Variants in ULK1 observed in about 807,000 individuals in gnomAD.
ULK1 encodes serine/threonine-protein kinase ULK1.
Under a neutral mutation model 117.5 loss-of-function variants are expected in ULK1, and 48 were observed. That is an observed-to-expected ratio of 0.41 (90% CI 0.32 to 0.52). The LOEUF is 0.52. Ranked by LOEUF, ULK1 falls within the 20% of genes least tolerant of loss-of-function variation. The pLI is 0.29. For synonymous variants in ULK1, 790 were observed against 637.8 expected, an observed-to-expected ratio of 1.24 and a Z score of -3.60; for missense variants, 1,387 against 1,473.4, an observed-to-expected ratio of 0.94 and a Z score of 0.96.
intron 7 of ULK1, 21 bp downstream of exon 7, chr12:131,908,992 C>A: frequency 6.2e-7 from 1 of 1,612,832 alleles, no homozygotes; most frequent in African/African-American, 1.3e-5. Flanking sequence ...CTTGGCCGGG[C>A]TGTGCCGGGT....
rs1295471554 is a variant in ULK1, at chr12:131,918,660, C to G, written c.2490C>G (p.Leu830=). ...CTGTGACCTTCGAGGCCCCCGACCT[C>G]CCTGAGGAGACCCTCATGGAGGTGA... is the stretch of plus-strand genomic sequence containing the variant. The part of the protein sequence containing the change: ...EGAVTFEAPD[L]PEETLMEQEH... Residue 830 remains leucine, a synonymous_variant, in exon 23 of 28, where the codon CTC becomes CTG. Transcript: ENST00000321867. The G allele has an allele frequency of 1.2e-6, 2 of 1,601,802 alleles. No individual in the cohort carries two copies. Among genetic ancestry groups the G allele is most frequent in the African/African-American group, 2.7e-5 (2 of 74,184 alleles).
rs779346547 is a variant in ULK1 at position 131,909,169 on chromosome 12, G to C, written c.598G>C (p.Gly200Arg). The C allele has an allele frequency of 1.9e-6, 3 of 1,610,064 alleles. No individual in the cohort carries two copies. Among genetic ancestry groups the C allele is most frequent in the Admixed American group, 3.3e-5 (2 of 59,722 alleles). Residue 200 changes from glycine to arginine, a missense_variant, in exon 8 of 28, where the codon GGG becomes CGG. Physicochemically the swap from Gly to Arg is moderately radical, Grantham distance 125. This residue lies in a region of ULK1 where 224 missense variants were observed against 325.2 expected (regional missense o/e 0.69). Coordinates refer to ENST00000321867, the MANE Select transcript of ULK1 (RefSeq NM_003565.4). Reference sequence around the variant, plus strand: ...GGTCATCATGTCCCAGCACTACGACGGGAAGGCGGACCTGTGGAGCATCGG... The same window carrying C: ...GGTCATCATGTCCCAGCACTACGACCGGAAGGCGGACCTGTGGAGCATCGG... ...PEVIMSQHYD[G>R]KADLWSIGTI... is the part of the protein sequence containing the mutation.
intron 3 of ULK1, among the ~76,000 whole-genome samples, chr12:131,905,863 A>C (rs970478885): frequency 3.9e-5 from 6 of 151,984 alleles, no homozygotes; most frequent in African/African-American, 1.2e-4. Flanking sequence ...TCATGGGGGC[A>C]GGAAAGGGCG....
At chr12:131,909,717 C>G in intron 8 of ULK1, 58 bp from the exon 9 acceptor site, 1 of 1,493,632 alleles carries the variant, frequency 6.7e-7, no homozygotes, top group Non-Finnish European at 9.0e-7. Context: ...ACCGAGACCC[C>G]GTGGGCTGGT....
chr12:131,899,681 G>T (rs1192865557), intron 3 of ULK1, among the ~76,000 whole-genome samples: 1 of 152,152 alleles, frequency 6.6e-6, no homozygotes, highest in African/African-American at 2.4e-5. Flanking sequence ...GCAAGCTCTT[G>T]GTCCCTTTTG....
intron 1 of ULK1, 129 bp from the exon 2 acceptor site, chr12:131,895,472 C>A: frequency 1.3e-6 from 1 of 755,354 alleles, no homozygotes; most frequent in Non-Finnish European, 2.2e-6. Flanking sequence ...CAACCTGGCT[C>A]CCCACTCGGC....
intron 8 of ULK1, 109 bp from the exon 9 acceptor site, chr12:131,909,666 C>G (rs1369744376): frequency 2.5e-6 from 3 of 1,200,804 alleles, no homozygotes; most frequent in South Asian, 1.6e-5. Context: ...TTCCCCCGGG[C>G]TTCGCAGCGT....
Position 131,895,877 on chromosome 12 carries a change from C to T in ULK1, c.246+53C>T, listed in dbSNP as rs111295720. ...GGGACCGGGCTGGGGGACTGTGGCCCCAGGTGCTGGATCCCCTGGTGAGCA... is the reference window on the plus strand; with the variant it reads ...GGGACCGGGCTGGGGGACTGTGGCCTCAGGTGCTGGATCCCCTGGTGAGCA... On this transcript the variant is annotated intron_variant, in intron 3 of 27. Coordinates refer to ENST00000321867, the MANE Select transcript of ULK1 (RefSeq NM_003565.4). 3,979 of 1,609,800 alleles carry T rather than the reference C, an allele frequency of 2.5e-3. 82 individuals are homozygous for T. In the African/African-American group the frequency reaches 0.046, roughly 19 times the overall value.
intron 23 of ULK1, 32 bp downstream of exon 23, chr12:131,918,713 C>G: frequency 1.7e-6 from 2 of 1,148,964 alleles, no homozygotes; most frequent in Non-Finnish European, 2.2e-6. Flanking sequence ...GGTTCCCATT[C>G]TGGCTGGAGG....
chr12:131,909,068 G>A lies in ULK1; in HGVS notation c.565-68G>A. ...GGTGCGCTCTGCTCTGGTTGGCTGT[G>A]GCCTGGCGGGCACCTTCTGTGGTTG... On this transcript the variant is annotated intron_variant, in intron 7 of 27. Transcript: ENST00000321867. 3 of 1,606,266 alleles carry A rather than the reference G, an allele frequency of 1.9e-6. No homozygotes were observed. The South Asian group carries it at 3.3e-5, about 18-fold the overall frequency.
chr12:131,900,074 G>A (rs530593086), intron 3 of ULK1, among the ~76,000 whole-genome samples: 316 of 147,810 alleles, frequency 2.1e-3, no homozygotes, highest in African/African-American at 7.5e-3. Context: ...CTGAGATTGC[G>A]CCGCTGCACT....
intron 10 of ULK1, 25 bp downstream of exon 10, chr12:131,910,026 T>G: frequency 6.2e-7 from 1 of 1,609,552 alleles, no homozygotes; most frequent in East Asian, 2.2e-5. Flanking sequence ...GGGGCGCAGC[T>G]GGAGTCCCCC....
At position 131,919,263 on chromosome 12, in the gene ULK1, C is replaced by T; in HGVS notation, c.2563C>T (p.Gln855Ter). ...CCTGCGCTTCACGCTGCTGTTCGTG[C>T]AGCACGTCCTGGAGATCGCAGCCCT... ...RGLRFTLLFV[Q>*]HVLEIAALKG... The change falls in exon 24 of 28, where the codon CAG becomes TAG. Residue 855 changes from glutamine to a stop codon, truncating the protein, a stop_gained. Transcript: ENST00000321867. LOFTEE classifies it high-confidence loss of function. 6.3e-7 allele frequency: 1 copy of T among 1,598,688 alleles called. No homozygotes were observed. The highest frequency in any genetic ancestry group is 8.5e-7 in the Non-Finnish European group (1 of 1,177,418).
In ULK1 at chr12:131,913,877, G is replaced by T. The variant is rs1352274338; in HGVS notation, c.1247+41G>T. On this transcript the variant is annotated intron_variant, in intron 15 of 27. Transcript: ENST00000321867. Reference sequence around the variant, plus strand: ...GGCTGGGTGGATGGGGCTGTGAACAGTCCCCCGGCTGGAGGTTGGGCTTCC... The same window carrying T: ...GGCTGGGTGGATGGGGCTGTGAACATTCCCCCGGCTGGAGGTTGGGCTTCC... 3.5e-6 allele frequency: 5 copies of T among 1,444,204 alleles called. No individual in the cohort carries two copies. The South Asian group carries it at 5.9e-5, about 17-fold the overall frequency. The allele number at this position is 1,444,204 out of a possible 1,614,324, so 89.5% of individuals were successfully genotyped here.
Position 131,919,312 on chromosome 12 carries a change from C to CG in ULK1, c.2618dup (p.Glu875Ter). Reference sequence around the variant, plus strand: ...CTGAAGGGCAGCGCCAGTGAGGCGGCGGGGGGCCCTGAGTACCAGCTGCAG... The same window carrying CG: ...CTGAAGGGCAGCGCCAGTGAGGCGGCGGGGGGGCCCTGAGTACCAGCTGCAG... On this transcript the variant is annotated frameshift_variant, in exon 24 of 28. Transcript: ENST00000321867. LOFTEE classifies it high-confidence loss of function. The CG allele has an allele frequency of 2.1e-6, 3 of 1,446,416 alleles. No homozygotes were observed. The highest frequency in any genetic ancestry group is 1.8e-6 in the Non-Finnish European group (2 of 1,082,320). The allele number at this position is 1,446,416 out of a possible 1,614,324, so 89.6% of individuals were successfully genotyped here.
intron 3 of ULK1, chr12:131,897,191 C>T (rs1888907938): frequency 6.6e-6 from 1 of 152,268 alleles, no homozygotes; most frequent in South Asian, 2.1e-4. Flanking sequence ...GGAGCTGCAG[C>T]TTAGCCTGCC....
At chr12:131,917,620 G>T in intron 22 of ULK1, 66 bp downstream of exon 22, 3 of 1,304,372 alleles carry the variant, frequency 2.3e-6, no homozygotes, top group South Asian at 4.8e-5. Context: ...GCGGACGGGG[G>T]CATCCTTTAA....
intron 3 of ULK1, among the ~76,000 whole-genome samples, chr12:131,901,832 G>A (rs995851609): frequency 2.6e-5 from 4 of 152,160 alleles, no homozygotes; most frequent in East Asian, 1.9e-4. Flanking sequence ...GCCGGGTCTC[G>A]GGGGGAATGT....
chr12:131,912,002 T>G lies in ULK1; in HGVS notation c.1009T>G (p.Phe337Val). Reference sequence around the variant, plus strand: ...GGCCTCCCCGGCTGACACCGCTGGCTTCCTGCACAGCTCCCGGGACTCTGG... The same window carrying G: ...GGCCTCCCCGGCTGACACCGCTGGCGTCCTGCACAGCTCCCGGGACTCTGG... ...TLASPADTAG[F>V]LHSSRDSGGS... Residue 337 changes from phenylalanine (F) to valine (V), a missense_variant, in exon 13 of 28, where the codon TTC becomes GTC. Transcript: ENST00000321867. The G allele has an allele frequency of 1.2e-6, 2 of 1,612,906 alleles. No homozygotes were observed. Among genetic ancestry groups the G allele is most frequent in the Non-Finnish European group, 1.7e-6 (2 of 1,179,986 alleles).
Sources: allele counts gnomAD v4.1 joint callset (sites outside exome capture counted in the v4.1 genomes callset), GRCh38; gene constraint gnomAD v4.1.1; regional missense constraint gnomAD v4.1.1; transcripts MANE v1.5; gene names NCBI Gene and HGNC (gene_info 2026-07-23, HGNC 2026-07-21).